The following TAF1C variants were observed in gnomAD, a reference collection of about 807,000 sequenced individuals.
TAF1C encodes TATA box-binding protein-associated factor RNA polymerase I subunit C.
Under a neutral mutation model 70.5 loss-of-function variants are expected in TAF1C, and 79 were observed. That is an observed-to-expected ratio of 1.12 (90% confidence interval 0.93 to 1.35). The LOEUF (loss-of-function observed/expected upper bound fraction) is 1.35. TAF1C is among the 40% of genes most tolerant of loss of function. The pLI, the probability that TAF1C is intolerant of heterozygous loss-of-function variation, is 0.00. For synonymous variants in TAF1C, 614 were observed against 491.1 expected, an observed-to-expected ratio of 1.25 and a Z score of -3.31; for missense variants, 1,412 against 1,127.8, an observed-to-expected ratio of 1.25 and a Z score of -3.61.
chr16:84,179,809 G>C lies in TAF1C; in HGVS notation c.1664C>G (p.Pro555Arg), dbSNP rs2089018287. The change falls in exon 15 of 15, where the codon CCA (proline) becomes CGA (arginine). Residue 555 changes from proline (P) to arginine (R), a missense_variant. By Grantham distance (103) the Pro-to-Arg change is moderately radical. Transcript: ENST00000566732. Reference sequence around the variant, plus strand: ...CGAGAGCTGGAAGAGCACCAGGCCTGGTGTGGGCGCTGAGGGCAAGGGCGG... The same window carrying C: ...CGAGAGCTGGAAGAGCACCAGGCCTCGTGTGGGCGCTGAGGGCAAGGGCGG... ...VVPPLPSAPT[P>R]GLVLFQLSAA... The C allele has an allele frequency of 3.7e-6, 6 of 1,610,220 alleles. No homozygotes were observed. Among genetic ancestry groups the C allele is most frequent in the Non-Finnish European group, 5.1e-6 (6 of 1,178,678 alleles).
intron 1 of TAF1C, chr16:84,185,268 G>A: frequency 8.9e-6 from 3 of 336,244 alleles, no homozygotes; most frequent in Non-Finnish European, 1.6e-5. Flanking sequence ...TGGCGTTTGA[G>A]CACAGCCTGA....
chr16:84,185,799 C>A (rs545665868), intron 1 of TAF1C, among the ~76,000 whole-genome samples: 1 of 152,222 alleles, frequency 6.6e-6, no homozygotes, highest in Non-Finnish European at 1.5e-5. Flanking sequence ...ACTCGGGAGG[C>A]TGAGGCAGGA....
At position 84,178,842 on chromosome 16, in the gene TAF1C, C is replaced by T. The variant is rs1306826518; in HGVS notation, c.*99G>A. The T allele has an allele frequency of 5.2e-6, 7 of 1,358,514 alleles. No individual in the cohort carries two copies. Among genetic ancestry groups the T allele is most frequent in the Admixed American group, 4.8e-5 (2 of 41,680 alleles). 84.2% of individuals were successfully genotyped at this position (1,358,514 alleles called of 1,614,324 possible). A position where few individuals can be genotyped will look rare whatever the true frequency, so the allele number is the denominator to read the frequency against. On this transcript the variant is annotated 3_prime_UTR_variant, in exon 15 of 15. Coordinates refer to ENST00000566732, the MANE Select transcript of TAF1C (RefSeq NM_001243156.2). The stretch of plus-strand genomic sequence containing the variant: ...CATCACAGTGGCCTCCAGAAGGTGG[C>T]GAGCTCTGCTTCTCAAGTTTCAACT...
Position 84,185,011 on chromosome 16 carries a change from C to G in TAF1C, c.-23G>C, listed in dbSNP as rs771501981. On this transcript the variant is annotated 5_prime_UTR_variant, in exon 2 of 15. Transcript: ENST00000566732. ...CATCCTGGAAACAAGGACCAAGCACCACACTGGCCACCTCGAGAGACTGGA... is the reference window on the plus strand; with the variant it reads ...CATCCTGGAAACAAGGACCAAGCACGACACTGGCCACCTCGAGAGACTGGA... 1.2e-6 allele frequency: 2 copies of G among 1,608,984 alleles called. No homozygotes were observed. The highest frequency in any genetic ancestry group is 1.7e-6 in the Non-Finnish European group (2 of 1,177,242).
rs1394399761 is a variant in TAF1C, at chr16:84,182,399, G to C, written c.524C>G (p.Ser175Cys). ...GCCCAGGATGGGGCCCCCGAGGATAGAGAAGCGGCGCTGTCGGTTGCTGAG... is the reference window on the plus strand; with the variant it reads ...GCCCAGGATGGGGCCCCCGAGGATACAGAAGCGGCGCTGTCGGTTGCTGAG... ...AYLSNRQRRF[S>C]ILGGPILGTS... Residue 175 changes from serine (S) to cysteine (C), a missense_variant, in exon 7 of 15, where the codon TCT becomes TGT. By Grantham distance (112) the Ser-to-Cys change is moderately radical. Coordinates refer to ENST00000566732, the MANE Select transcript of TAF1C (RefSeq NM_001243156.2). The surrounding 1 kb of genome is among the most constrained non-coding windows in gnomAD (Gnocchi z 5.0). 5.6e-6 allele frequency: 9 copies of C among 1,605,972 alleles called. No individual in the cohort carries two copies. The highest frequency in any genetic ancestry group is 2.2e-5 in the East Asian group (1 of 44,600).
rs1276453171 is a variant in TAF1C at position 84,182,819 on chromosome 16, G to A, written c.482+257C>T. ...TGTGCAGGGAGAGGCAAGTGGACGA[G>A]ACAGGAAAGAGAGACACAGCTCTAT... is the stretch of plus-strand genomic sequence containing the variant. On this transcript the variant is annotated intron_variant, in intron 6 of 14. Coordinates refer to ENST00000566732, the MANE Select transcript of TAF1C (RefSeq NM_001243156.2). The surrounding 1 kb of genome is among the most constrained non-coding windows in gnomAD (Gnocchi z 5.0). 1.3e-5 allele frequency among the ~76,000 whole-genome samples: 2 copies of A among 152,192 alleles called. No individual in the cohort carries two copies. The highest frequency in any genetic ancestry group is 4.8e-5 in the African/African-American group (2 of 41,450).
In TAF1C at chr16:84,181,594, A is replaced by C. The variant is rs746706538; in HGVS notation, c.1026T>G (p.Asp342Glu). 1.9e-6 allele frequency: 3 copies of C among 1,613,892 alleles called. No individual in the cohort carries two copies. The highest frequency in any genetic ancestry group is 2.2e-5 in the South Asian group (2 of 91,080). ...SGAVCLWSPEDGLRQIYRDPE... is the reference protein window; with the variant it reads ...SGAVCLWSPEEGLRQIYRDPE... ...GGTTTCACAGGAAGCGGCGATACCC[A>C]TCCTCAGGGCTCCACAGGCAGACGG... The change falls in exon 10 of 15, where the codon GAT becomes GAG. Residue 342 changes from aspartate to glutamate, a missense_variant and splice_region_variant. Physicochemically the swap from Asp to Glu is conservative, Grantham distance 45. Transcript: ENST00000566732.
Position 84,181,031 on chromosome 16 carries a change from T to G in TAF1C, c.1308+12A>C. On this transcript the variant is annotated intron_variant, in intron 12 of 14. Coordinates refer to ENST00000566732, the MANE Select transcript of TAF1C (RefSeq NM_001243156.2). ...GCAGAGGTGGGGCGGGGCGGTGTTG[T>G]GTGCCACTCACCTGGGTACAGACGA... 1.3e-6 allele frequency: 2 copies of G among 1,595,524 alleles called. No individual in the cohort carries two copies. The highest frequency in any genetic ancestry group is 8.6e-7 in the Non-Finnish European group (1 of 1,165,236).
chr16:84,183,271 C>T lies in TAF1C; in HGVS notation c.381G>A (p.Leu127=). The T allele has an allele frequency of 6.2e-7, 1 of 1,614,024 alleles. No individual in the cohort carries two copies. The highest frequency in any genetic ancestry group is 8.5e-7 in the Non-Finnish European group (1 of 1,180,032). Residue 127 remains leucine, a synonymous_variant, in exon 5 of 15, where the codon CTG becomes CTA. Coordinates refer to ENST00000566732, the MANE Select transcript of TAF1C (RefSeq NM_001243156.2). The stretch of plus-strand genomic sequence containing the variant: ...CCGCTCCCTCCAGCTTGAAATTCTC[C>T]AGCATCAGCTTCCCCAGGGGCGCAA... ...VAFAPLGKLM[L]ENFKLEGAGS...
In TAF1C at chr16:84,178,871, G is replaced by C; in HGVS notation, c.*70C>G. 6.8e-7 allele frequency: 1 copy of C among 1,475,196 alleles called. No homozygotes were observed. Among genetic ancestry groups the C allele is most frequent in the Non-Finnish European group, 9.0e-7 (1 of 1,105,646 alleles). The allele number at this position is 1,475,196 out of a possible 1,614,324, so 91.4% of individuals were successfully genotyped here. Reference sequence around the variant, plus strand: ...CTCTGCTTCTCAAGTTTCAACTGTGGAAGGCACATCTGGTCCCAGAGGAAG... The same window carrying C: ...CTCTGCTTCTCAAGTTTCAACTGTGCAAGGCACATCTGGTCCCAGAGGAAG... On this transcript the variant is annotated 3_prime_UTR_variant, in exon 15 of 15. Coordinates refer to ENST00000566732, the MANE Select transcript of TAF1C (RefSeq NM_001243156.2).
intron 1 of TAF1C, among the ~76,000 whole-genome samples, chr16:84,185,855 G>A (rs1362200431): frequency 1.3e-5 from 2 of 152,058 alleles, no homozygotes; most frequent in African/African-American, 2.4e-5. Context: ...AGCTGAGATC[G>A]CGCCATTGCA....
chr16:84,183,652 T>C (rs771231137), intron 3 of TAF1C, 45 bp downstream of exon 3: 56 of 1,575,868 alleles, frequency 3.6e-5, no homozygotes, highest in Non-Finnish European at 4.8e-5. Context: ...GTGGGAAGAA[T>C]AGGTGGAGCA....
chr16:84,180,015 G>T lies in TAF1C; in HGVS notation c.1552C>A (p.Pro518Thr), dbSNP rs774508067. 21 of 1,611,502 alleles carry T rather than the reference G, an allele frequency of 1.3e-5. No homozygotes were observed. In the Admixed American group the frequency reaches 2.7e-4, roughly 21 times the overall value. The change falls in exon 14 of 15, where the codon CCT (proline) becomes ACT (threonine). Residue 518 changes from proline to threonine, a missense_variant. By Grantham distance (38) the Pro-to-Thr change is conservative. Transcript: ENST00000566732. The stretch of plus-strand genomic sequence containing the variant: ...TTAGGCTCCAGCAGAGGAAATGCAG[G>T]GAGGGAGTCGATCCTGGAAGGAAGA... ...QSLPSRIDSL[P>T]AFPLLEPKIQ... is the part of the protein sequence containing the mutation.
intron 5 of TAF1C, 35 bp from the exon 6 acceptor site, chr16:84,183,184 T>G: frequency 6.2e-7 from 1 of 1,613,822 alleles, no homozygotes; most frequent in Non-Finnish European, 8.5e-7. Context: ...TCACACACCC[T>G]CGAGTTCACC....
intron 1 of TAF1C, chr16:84,185,661 G>A (rs1408350513): frequency 6.6e-6 from 1 of 152,298 alleles, no homozygotes; most frequent in Admixed American, 6.5e-5. Context: ...AGTACTTTGG[G>A]AGGCCGAGGC....
chr16:84,180,150 A>T lies in TAF1C; in HGVS notation c.1483+20T>A, dbSNP rs767245962. ...CCGCCCCATCTCCCACACGCCGCCC[A>T]CCCTGGCCTGGACCCTCACCTGCCA... On this transcript the variant is annotated intron_variant, in intron 13 of 14. Transcript: ENST00000566732. The T allele has an allele frequency of 1.3e-6, 2 of 1,558,896 alleles. No individual in the cohort carries two copies. Among genetic ancestry groups the T allele is most frequent in the East Asian group, 4.5e-5 (2 of 44,042 alleles).
Position 84,183,267 on chromosome 16 carries a change from T to G in TAF1C, c.385A>C (p.Asn129His), listed in dbSNP as rs1364279582. Residue 129 changes from asparagine (N) to histidine (H), a missense_variant, in exon 5 of 15, where the codon AAT (asparagine) becomes CAT (histidine). Asn to His is a moderately conservative substitution (Grantham distance 68). Transcript: ENST00000566732. Reference sequence around the variant, plus strand: ...ACCCCCGCTCCCTCCAGCTTGAAATTCTCCAGCATCAGCTTCCCCAGGGGC... The same window carrying G: ...ACCCCCGCTCCCTCCAGCTTGAAATGCTCCAGCATCAGCTTCCCCAGGGGC... ...FAPLGKLMLE[N>H]FKLEGAGSRT... 1.2e-6 allele frequency: 2 copies of G among 1,613,922 alleles called. No individual in the cohort carries two copies. Among genetic ancestry groups the G allele is most frequent in the Non-Finnish European group, 1.7e-6 (2 of 1,180,020 alleles).
At position 84,179,719 on chromosome 16, in the gene TAF1C, G is replaced by C. The variant is rs1266080153; in HGVS notation, c.1754C>G (p.Ala585Gly). The change falls in exon 15 of 15, where the codon GCT becomes GGT. Residue 585 changes from alanine (A) to glycine (G), a missense_variant. Coordinates refer to ENST00000566732, the MANE Select transcript of TAF1C (RefSeq NM_001243156.2). ...AGGTTGGGTGTCGCCAGGAGGCCCA[G>C]CATCTCTGCGGAGGCTGGAGTCCAC... The part of the protein sequence containing the change: ...PQVDSSLRRD[A>G]GPPGDTQPDC... 2 of 1,612,194 alleles carry C rather than the reference G, an allele frequency of 1.2e-6. No individual in the cohort carries two copies. Among genetic ancestry groups the C allele is most frequent in the East Asian group, 2.2e-5 (1 of 44,878 alleles).
chr16:84,178,556 ACGAGGAGCCAGCAC>A lies in TAF1C; in HGVS notation c.*371_*384del. The A allele has an allele frequency of 6.9e-6, 3 of 436,994 alleles. No homozygotes were observed. The highest frequency in any genetic ancestry group is 5.1e-5 in the South Asian group (3 of 59,006). The allele number at this position is 436,994 out of a possible 1,614,324, so 27.1% of individuals were successfully genotyped here. ...GGGCCTCACTCCACCCTCACCAAAC[ACGAGGAGCCAGCAC>A]TCCTGGCCCCCATTCCACTGGACAG... On this transcript the variant is annotated 3_prime_UTR_variant, in exon 15 of 15. Transcript: ENST00000566732.
Sources: gnomAD v4.1 joint callset for allele counts (sites outside exome capture counted in the v4.1 genomes callset) on GRCh38, gnomAD v4.1.1 for gene constraint, Gnocchi (gnomAD v3.1) non-coding constraint, MANE v1.5 for transcripts, NCBI Gene and HGNC (gene_info 2026-07-23, HGNC 2026-07-21) for gene names.